The following NPAS3 variants were observed in gnomAD, a reference collection of about 807,000 sequenced individuals.
NPAS3 encodes the protein neuronal PAS domain protein 3.
Under a neutral mutation model 73.1 loss-of-function variants are expected in NPAS3, and 14 were observed. The observed-to-expected ratio is 0.19, with a 90% CI of 0.13 to 0.30. The LOEUF is 0.30. Ranked by LOEUF, NPAS3 falls within the 10% of genes least tolerant of loss-of-function variation. NPAS3 has a pLI of 1.00. For missense variants in NPAS3, 1,096 were observed against 1,250.0 expected, an observed-to-expected ratio of 0.88 and a Z score of 1.86; for synonymous variants, 620 against 541.5, an observed-to-expected ratio of 1.14 and a Z score of -2.01.
intron 3 of NPAS3, among the ~76,000 whole-genome samples, chr14:33,305,109 G>T (rs923078119): frequency 1.5e-4 from 23 of 152,096 alleles, no homozygotes; most frequent in African/African-American, 5.3e-4. Context: ...TGATAAGGAG[G>T]TGTATGTTTT....
chr14:33,010,040 A>G (rs1449894188), intron 1 of NPAS3, among the ~76,000 whole-genome samples: 2 of 152,218 alleles, frequency 1.3e-5, no homozygotes, highest in Non-Finnish European at 2.9e-5. Flanking sequence ...GGATGAGACA[A>G]TGAGATAATG....
At chr14:33,782,823 TA>T (rs199704146) in intron 9 of NPAS3, among the ~76,000 whole-genome samples, 8 of 148,728 alleles carry the variant, frequency 5.4e-5, no homozygotes, top group African/African-American at 1.5e-4. Flanking sequence ...TGTTTTTTTT[TA>T]AAAAAAAGAA....
chr14:33,775,315 C>T (rs1371494046), intron 8 of NPAS3, among the ~76,000 whole-genome samples: 3 of 152,094 alleles, frequency 2.0e-5, no homozygotes, highest in African/African-American at 7.2e-5. Flanking sequence ...GAAGCTCTGG[C>T]GATACTATCC....
At chr14:33,067,948 C>G (rs963543878) in intron 2 of NPAS3, among the ~76,000 whole-genome samples, 5 of 152,158 alleles carry the variant, frequency 3.3e-5, no homozygotes, top group African/African-American at 4.8e-5. Context: ...AGCATATTTT[C>G]TTTTAAAACT....
Position 33,395,793 on chromosome 14 carries a change from C to T in NPAS3, c.468+28525C>T, listed in dbSNP as rs186893564. ...ATTAGTGCTTTCATTCATTCATTCACTCAGTCATTTATTTTTGAATTCATT... is the reference window on the plus strand; with the variant it reads ...ATTAGTGCTTTCATTCATTCATTCATTCAGTCATTTATTTTTGAATTCATT... On this transcript the variant is annotated intron_variant, in intron 4 of 11. Transcript: ENST00000356141. 7.2e-5 allele frequency among the ~76,000 whole-genome samples: 11 copies of T among 152,144 alleles called. No homozygotes were observed. The East Asian group carries it at 1.9e-3, about 27-fold the overall frequency.
chr14:33,664,835 C>T (rs895831463), intron 5 of NPAS3, among the ~76,000 whole-genome samples: 10 of 152,050 alleles, frequency 6.6e-5, no homozygotes, highest in Admixed American at 1.3e-4. Flanking sequence ...GTTAGAATGG[C>T]GATTATTAAA....
At chr14:33,298,593 C>CT (rs2042400680) in intron 3 of NPAS3, among the ~76,000 whole-genome samples, 2 of 152,276 alleles carry the variant, frequency 1.3e-5, no homozygotes. Context: ...TTGCTAACCC[C>CT]TTTCTTCCTA....
chr14:33,595,280 C>T (rs563981005), intron 5 of NPAS3, among the ~76,000 whole-genome samples: 175 of 151,686 alleles, frequency 1.2e-3, no homozygotes, highest in Admixed American at 1.9e-3. Flanking sequence ...TTAATGATCA[C>T]TTTGACCATT....
chr14:33,198,229 C>G (rs2046456636), intron 2 of NPAS3, among the ~76,000 whole-genome samples: 1 of 152,196 alleles, frequency 6.6e-6, no homozygotes, highest in Admixed American at 6.5e-5. Flanking sequence ...AAGAACAAAG[C>G]TTCCACAGCA....
intron 1 of NPAS3, among the ~76,000 whole-genome samples, chr14:32,939,944 G>T (rs1262263959): frequency 6.6e-6 from 1 of 152,164 alleles, no homozygotes; most frequent in Non-Finnish European, 1.5e-5. Flanking sequence ...GCCGGGCCGA[G>T]CCCAGAGGAG....
chr14:32,969,835 T>A (rs897212161), intron 1 of NPAS3, among the ~76,000 whole-genome samples: 5 of 152,160 alleles, frequency 3.3e-5, no homozygotes, highest in Admixed American at 1.3e-4. Flanking sequence ...AACACTTTTT[T>A]AAAAAGGTAC....
chr14:33,785,683 G>C (rs1372414344), intron 9 of NPAS3, among the ~76,000 whole-genome samples: 1 of 152,096 alleles, frequency 6.6e-6, no homozygotes, highest in Non-Finnish European at 1.5e-5. Context: ...ACATGCAACA[G>C]TTTTCCCATA....
chr14:33,303,024 G>T (rs2042616116), intron 3 of NPAS3, among the ~76,000 whole-genome samples: 1 of 151,878 alleles, frequency 6.6e-6, no homozygotes, highest in African/African-American at 2.4e-5. Flanking sequence ...TTTAAAAATG[G>T]CTTCTCGCAA....
At chr14:33,561,781 G>A (rs3949783) in intron 5 of NPAS3, among the ~76,000 whole-genome samples, 73,125 of 152,030 alleles carry the variant, frequency 0.48, 18,194 homozygotes, top group East Asian at 0.63. Context: ...AAGAAGAAGG[G>A]TGAATAATTA....
At chr14:33,559,428 C>T (rs1176481727) in intron 4 of NPAS3, among the ~76,000 whole-genome samples, 2 of 152,224 alleles carry the variant, frequency 1.3e-5, no homozygotes, top group African/African-American at 2.4e-5. Context: ...ATATAGGAAG[C>T]CTTTTTTTCT....
rs2051832555 is a variant in NPAS3 at position 33,490,369 on chromosome 14, A to T, written c.469-69752A>T. ...TGAAATTAGCATCTAAAACCCAGTTATATTTCCTTTTTTTCTTTCTTATCA... is the reference window on the plus strand; with the variant it reads ...TGAAATTAGCATCTAAAACCCAGTTTTATTTCCTTTTTTTCTTTCTTATCA... On this transcript the variant is annotated intron_variant, in intron 4 of 11. Coordinates refer to ENST00000356141, the Ensembl canonical transcript of NPAS3. 2.6e-5 allele frequency among the ~76,000 whole-genome samples: 4 copies of T among 152,256 alleles called. No homozygotes were observed. The South Asian group carries it at 8.3e-4, about 32-fold the overall frequency.
intron 7 of NPAS3, among the ~76,000 whole-genome samples, chr14:33,754,449 A>G (rs533587542): frequency 4.6e-5 from 7 of 152,242 alleles, no homozygotes; most frequent in African/African-American, 1.4e-4. Context: ...CTCCTCTCTG[A>G]CCTCATGTTC....
chr14:33,763,088 C>CCT (rs1341265055), intron 7 of NPAS3, among the ~76,000 whole-genome samples: 1 of 152,184 alleles, frequency 6.6e-6, no homozygotes, highest in Non-Finnish European at 1.5e-5. Flanking sequence ...CAGGACATTT[C>CCT]ACCTGACCAG....
intron 6 of NPAS3, among the ~76,000 whole-genome samples, chr14:33,701,287 G>C (rs776834038): frequency 2.4e-4 from 37 of 152,240 alleles, no homozygotes; most frequent in Non-Finnish European, 4.3e-4. Context: ...TTCAAAAACA[G>C]AGAAATGCAT....
Sources: gnomAD v4.1 joint callset for allele counts (sites outside exome capture counted in the v4.1 genomes callset) on GRCh38, gnomAD v4.1.1 for gene constraint, MANE v1.5 for transcripts, NCBI Gene and HGNC (gene_info 2026-07-23, HGNC 2026-07-21) for gene names.